CAST: variants seen among roughly 807,000 people sequenced by gnomAD.
CAST encodes the protein calpastatin.
CAST carries 76 observed loss-of-function variants against 119.6 expected under a neutral mutation model. The observed-to-expected ratio is 0.64, with a 90% confidence interval of 0.53 to 0.77. CAST has a LOEUF of 0.77. Ranked by LOEUF, CAST falls within the 30% of genes least tolerant of loss-of-function variation. The pLI, the probability that CAST is intolerant of heterozygous loss-of-function variation, is 0.00. For synonymous variants in CAST, 319 were observed against 331.6 expected, an observed-to-expected ratio of 0.96 and a Z score of 0.41; for missense variants, 953 against 946.5, an observed-to-expected ratio of 1.01 and a Z score of -0.09.
the CAST span, among the ~76,000 whole-genome samples, chr5:96,000,871 T>C: frequency 2.0e-5 from 3 of 152,214 alleles, no homozygotes; most frequent in Admixed American, 1.3e-4. Context: ...AAAAACGCAA[T>C]TGATATTCTT....
the CAST span, among the ~76,000 whole-genome samples, chr5:96,173,637 T>C: frequency 6.6e-6 from 1 of 152,216 alleles, no homozygotes; most frequent in African/African-American, 2.4e-5. Flanking sequence ...ATCGAGGTTT[T>C]CTTATAACTT....
At chr5:96,556,967 G>A (rs1036416504) in intron 1 of CAST, among the ~76,000 whole-genome samples, 44 of 151,928 alleles carry the variant, frequency 2.9e-4, no homozygotes, top group African/African-American at 9.2e-4. Flanking sequence ...GAGAAAGGTC[G>A]GGTTACCCAC....
rs146809520 is a variant in CAST, at chr5:96,695,554, G to A, written c.139-282G>A. Among the ~76,000 whole-genome samples, 63 of 152,268 alleles carry A rather than the reference G, an allele frequency of 4.1e-4. No individual in the cohort carries two copies. In the Middle Eastern group the frequency reaches 0.017, roughly 41 times the overall value. ...CTATGGCACTGTAAGGGTGAGTGAA[G>A]TTTTTGGAAGTACATGAGAACTGCC... On this transcript the variant is annotated intron_variant, in intron 2 of 31. Transcript: ENST00000675179.
At chr5:96,469,645 G>T in the CAST span, among the ~76,000 whole-genome samples, 2 of 151,756 alleles carry the variant, frequency 1.3e-5, no homozygotes, top group Non-Finnish European at 2.9e-5. Context: ...AAAGAGAACT[G>T]TCAAAATGAT....
At chr5:95,983,851 C>T in the CAST span, among the ~76,000 whole-genome samples, 1 of 152,124 alleles carries the variant, frequency 6.6e-6, no homozygotes, top group Non-Finnish European at 1.5e-5. Context: ...TTACAATAAA[C>T]ATGCTGATTT....
the CAST span, among the ~76,000 whole-genome samples, chr5:96,312,363 G>T: frequency 1.3e-5 from 2 of 151,990 alleles, no homozygotes; most frequent in Non-Finnish European, 2.9e-5. Flanking sequence ...TTAGTCTAAG[G>T]GTTACCCCTG....
intron 1 of CAST, among the ~76,000 whole-genome samples, chr5:96,533,353 C>G (rs2060352): frequency 0.62 from 93,692 of 151,804 alleles, 29,246 homozygotes; most frequent in East Asian, 0.86. Flanking sequence ...GATTAGAGCT[C>G]AGAGAGAAAA....
At chr5:96,597,839 AG>A (rs1367868921) in intron 1 of CAST, among the ~76,000 whole-genome samples, 2 of 151,796 alleles carry the variant, frequency 1.3e-5, no homozygotes, top group Non-Finnish European at 2.9e-5. Flanking sequence ...AGTGGGGGTC[AG>A]GGTGGTTTTG....
the CAST span, among the ~76,000 whole-genome samples, chr5:96,225,344 T>C: frequency 2.0e-5 from 3 of 152,140 alleles, no homozygotes; most frequent in Non-Finnish European, 4.4e-5. Context: ...AAATGTAGAA[T>C]GATATATACA....
At chr5:96,201,413 G>A in the CAST span, among the ~76,000 whole-genome samples, 5 of 151,992 alleles carry the variant, frequency 3.3e-5, no homozygotes, top group East Asian at 5.8e-4. Context: ...GCTGTTGCTC[G>A]ACACTTTCAA....
At chr5:96,352,979 C>T in the CAST span, among the ~76,000 whole-genome samples, 1 of 152,116 alleles carries the variant, frequency 6.6e-6, no homozygotes, top group African/African-American at 2.4e-5. Flanking sequence ...TCAATTAAAC[C>T]TCTTTTCCTT....
chr5:96,670,447 G>A (rs1749915385), intron 1 of CAST, among the ~76,000 whole-genome samples: 1 of 152,184 alleles, frequency 6.6e-6, no homozygotes, highest in South Asian at 2.1e-4. Context: ...ATGCTGGCAA[G>A]GGCTGCTTTT....
the CAST span, among the ~76,000 whole-genome samples, chr5:96,011,321 A>T: frequency 1.3e-5 from 2 of 152,338 alleles, no homozygotes; most frequent in South Asian, 4.1e-4. Context: ...ACATTAAATG[A>T]CAGAATCAAA....
chr5:96,655,378 G>T (rs1413466069), intron 1 of CAST, among the ~76,000 whole-genome samples: 1 of 152,206 alleles, frequency 6.6e-6, no homozygotes, highest in Non-Finnish European at 1.5e-5. Context: ...GAGGGAAAAG[G>T]CAGGGAGAAG....
At chr5:96,309,999 T>G in the CAST span, among the ~76,000 whole-genome samples, 2 of 152,218 alleles carry the variant, frequency 1.3e-5, no homozygotes. Flanking sequence ...ATGCTTGTCT[T>G]GTACTAGATT....
At chr5:96,708,610 C>T (rs1755491309) in intron 3 of CAST, among the ~76,000 whole-genome samples, 2 of 152,280 alleles carry the variant, frequency 1.3e-5, no homozygotes, top group Admixed American at 6.5e-5. Context: ...CCTACCTCAG[C>T]CTCCCAAGTA....
intron 1 of CAST, among the ~76,000 whole-genome samples, chr5:96,534,751 A>AGG (rs1745761044): frequency 4.1e-5 from 1 of 24,358 alleles, no homozygotes; most frequent in Middle Eastern, 0.021. Flanking sequence ...GAAAGAAAGA[A>AGG]AGAAAGAAAG....
chr5:96,236,337 G>C, the CAST span, among the ~76,000 whole-genome samples: 1 of 152,160 alleles, frequency 6.6e-6, no homozygotes, highest in East Asian at 1.9e-4. Context: ...CTTTGGCCTG[G>C]CTGTTTGTAC....
chr5:96,575,895 G>A (rs1353563835), intron 1 of CAST, among the ~76,000 whole-genome samples: 3 of 151,894 alleles, frequency 2.0e-5, no homozygotes, highest in South Asian at 2.1e-4. Flanking sequence ...TTCCCACCTC[G>A]GCCTCCCAAA....
Sources: gnomAD v4.1 joint callset for allele counts (sites outside exome capture counted in the v4.1 genomes callset) on GRCh38, gnomAD v4.1.1 for gene constraint, MANE v1.5 for transcripts, NCBI Gene and HGNC (gene_info 2026-07-23, HGNC 2026-07-21) for gene names.